Variants in PRKN observed in about 807,000 individuals in gnomAD.
PRKN encodes the protein parkin RBR E3 ubiquitin protein ligase, also known as E3 ubiquitin-protein ligase parkin.
A neutral mutation model predicts 59.5 loss-of-function variants in PRKN; 56 were observed. The ratio of observed to expected loss-of-function variants is 0.94; its 90% CI spans 0.76 to 1.18. The LOEUF (loss-of-function observed/expected upper bound fraction) is 1.18, where lower values mean the gene tolerates loss of function less well. Ranked by LOEUF, PRKN falls within the 50% of genes most tolerant of loss-of-function variation. The probability of loss-of-function intolerance (pLI) is 0.00; values close to 1 mark genes in which losing one functional copy is unlikely to be tolerated. For synonymous variants in PRKN, 250 were observed against 222.1 expected, an observed-to-expected ratio of 1.13 and a Z score of -1.12; for missense variants, 657 against 596.4, an observed-to-expected ratio of 1.10 and a Z score of -1.06.
chr6:161,963,714 G>A (rs2128249177), intron 6 of PRKN, among the ~76,000 whole-genome samples: 1 of 152,328 alleles, frequency 6.6e-6, no homozygotes, highest in South Asian at 2.1e-4. Flanking sequence ...ATTTTTAAAA[G>A]GAGATTGTTT....
At position 161,546,653 on chromosome 6, in the gene PRKN, C is replaced by A. The variant is rs1249420903; in HGVS notation, c.1083+2201G>T. Among the ~76,000 whole-genome samples the A allele has an allele frequency of 6.6e-6, 1 of 151,908 alleles. No individual in the cohort carries two copies. Among genetic ancestry groups the A allele is most frequent in the Non-Finnish European group, 1.5e-5 (1 of 68,000 alleles). ...GTGGTTTAAAATACGTTCATAAATT[C>A]TTTGACACTCTTTAAGATGGAGCCC... On this transcript the variant is annotated intron_variant, in intron 9 of 11. Transcript: ENST00000366898. The surrounding 1 kb of genome is among the most constrained non-coding windows in gnomAD (Gnocchi z 4.4).
chr6:161,720,757 T>A (rs111785159), intron 7 of PRKN, among the ~76,000 whole-genome samples: 25,660 of 136,046 alleles, frequency 0.19, 3,613 homozygotes, highest in African/African-American at 0.45. Flanking sequence ...CATAGGTACT[T>A]TTAAAACTAT....
chr6:162,551,474 T>C (rs927340330), intron 1 of PRKN, among the ~76,000 whole-genome samples: 6 of 152,254 alleles, frequency 3.9e-5, no homozygotes, highest in African/African-American at 1.4e-4. Context: ...TCAGTCTTCC[T>C]GATTATAAAA....
At chr6:162,560,995 C>T (rs947977231) in intron 1 of PRKN, among the ~76,000 whole-genome samples, 1 of 151,894 alleles carries the variant, frequency 6.6e-6, no homozygotes, top group African/African-American at 2.4e-5. Context: ...TGAGTTGAGC[C>T]GTAACTGAGG....
chr6:162,670,100 C>T (rs973204016), intron 1 of PRKN, among the ~76,000 whole-genome samples: 5 of 152,076 alleles, frequency 3.3e-5, no homozygotes, highest in African/African-American at 1.2e-4. Flanking sequence ...AATTAAATAT[C>T]CCTTTTGAGT....
chr6:162,443,725 C>T (rs1249261907), intron 1 of PRKN, among the ~76,000 whole-genome samples: 1 of 152,160 alleles, frequency 6.6e-6, no homozygotes, highest in African/African-American at 2.4e-5. Context: ...CTCCCTTTGA[C>T]ATCCATCCTG....
chr6:161,842,998 CA>C (rs1269307482), intron 6 of PRKN, among the ~76,000 whole-genome samples: 2 of 152,156 alleles, frequency 1.3e-5, no homozygotes, highest in Non-Finnish European at 2.9e-5. Context: ...TTAATCTACT[CA>C]GGAGTGCTAT....
intron 2 of PRKN, among the ~76,000 whole-genome samples, chr6:162,268,831 G>A (rs896629519): frequency 2.6e-5 from 4 of 152,192 alleles, no homozygotes; most frequent in African/African-American, 9.6e-5. Flanking sequence ...CCATGGTGAA[G>A]ACCAGGGTTT....
intron 4 of PRKN, among the ~76,000 whole-genome samples, chr6:162,190,977 C>T (rs1006002523): frequency 6.6e-6 from 1 of 151,912 alleles, no homozygotes; most frequent in African/African-American, 2.4e-5. Context: ...CAGGAAGGTA[C>T]ATCTATGTGT....
At chr6:162,036,403 G>C (rs1201388401) in intron 5 of PRKN, among the ~76,000 whole-genome samples, 2 of 151,882 alleles carry the variant, frequency 1.3e-5, no homozygotes, top group Admixed American at 6.6e-5. Context: ...TTTTGAGATA[G>C]AGTTTCACTC....
intron 1 of PRKN, among the ~76,000 whole-genome samples, chr6:162,699,394 T>C (rs1249472053): frequency 1.3e-5 from 2 of 152,142 alleles, no homozygotes; most frequent in African/African-American, 4.8e-5. Flanking sequence ...TAAGACTAGA[T>C]TAACTGAATC....
rs899901708 is a variant in PRKN at position 161,352,124 on chromosome 6, G to A, written c.1286-1913C>T. Reference sequence around the variant, plus strand: ...TTTCTTTGCTTGAATCCCACCTAGCGTTGAAGGTGCTCCATTACTCACTCT... The same window carrying A: ...TTTCTTTGCTTGAATCCCACCTAGCATTGAAGGTGCTCCATTACTCACTCT... On this transcript the variant is annotated intron_variant, in intron 11 of 11. Transcript: ENST00000366898. This position sits in a 1 kb window ranked among gnomAD's most constrained non-coding sequence, Gnocchi z 5.8. Among the ~76,000 whole-genome samples the A allele has an allele frequency of 5.3e-5, 8 of 152,116 alleles. No individual in the cohort carries two copies. The highest frequency in any genetic ancestry group is 1.2e-4 in the African/African-American group (5 of 41,412).
chr6:161,805,478 A>ACACACACTTG (rs61442187), intron 6 of PRKN, among the ~76,000 whole-genome samples: 2 of 149,364 alleles, frequency 1.3e-5, no homozygotes, highest in Non-Finnish European at 3.0e-5. Flanking sequence ...ACACACACAC[A>ACACACACTTG]CATGCATGTA....
intron 5 of PRKN, among the ~76,000 whole-genome samples, chr6:162,006,855 T>C (rs561076493): frequency 6.6e-6 from 1 of 152,160 alleles, no homozygotes; most frequent in East Asian, 1.9e-4. Context: ...CTTGACATAC[T>C]GCGCCCAATG....
At chr6:161,832,910 T>C (rs577779978) in intron 6 of PRKN, among the ~76,000 whole-genome samples, 30 of 151,964 alleles carry the variant, frequency 2.0e-4, no homozygotes, top group African/African-American at 5.5e-4. Flanking sequence ...ACTCCAACCA[T>C]TGCCGAATGT....
At chr6:162,156,683 C>T (rs1397639497) in intron 4 of PRKN, among the ~76,000 whole-genome samples, 7 of 152,136 alleles carry the variant, frequency 4.6e-5, no homozygotes, top group Admixed American at 3.9e-4. Context: ...TCTCCTAGTC[C>T]ACTGACTTAA....
intron 4 of PRKN, among the ~76,000 whole-genome samples, chr6:162,149,149 G>A (rs1257334554): frequency 2.6e-5 from 4 of 152,126 alleles, no homozygotes; most frequent in South Asian, 2.1e-4. Context: ...CTTCAAGGTC[G>A]TATTAGAGAA....
intron 1 of PRKN, among the ~76,000 whole-genome samples, chr6:162,646,094 G>C (rs550490335): frequency 2.3e-4 from 35 of 151,626 alleles, no homozygotes; most frequent in Admixed American, 3.9e-4. Flanking sequence ...GGATGGTCTC[G>C]ATCTCCTGAC....
chr6:161,702,335 A>G (rs572690101), intron 7 of PRKN, among the ~76,000 whole-genome samples: 32 of 152,246 alleles, frequency 2.1e-4, no homozygotes, highest in Non-Finnish European at 3.8e-4. Flanking sequence ...GCCCATCCAT[A>G]CAATGGAATA....
Sources: allele counts gnomAD v4.1 joint callset (sites outside exome capture counted in the v4.1 genomes callset), GRCh38; gene constraint gnomAD v4.1.1; non-coding constraint Gnocchi (gnomAD v3.1); transcripts MANE v1.5; gene names NCBI Gene and HGNC (gene_info 2026-07-23, HGNC 2026-07-21).